Variants in ALMS1 observed in about 807,000 individuals in gnomAD.
ALMS1 encodes ALMS1 centrosome and basal body associated protein, also known as centrosome-associated protein ALMS1.
A neutral mutation model predicts 352.2 loss-of-function variants in ALMS1; 271 were observed. The observed-to-expected ratio is 0.77, with a 90% CI of 0.70 to 0.85. The LOEUF is 0.85. Ranked by LOEUF, ALMS1 falls within the 40% of genes least tolerant of loss-of-function variation. The probability of loss-of-function intolerance (pLI) is 0.00; values close to 1 mark genes in which losing one functional copy is unlikely to be tolerated. For synonymous variants in ALMS1, 1,865 were observed against 1,761.2 expected (o/e 1.06, Z -1.48); for missense variants, 5,445 against 4,870.7 (o/e 1.12, Z -3.51).
At chr2:73,575,267 A>G (rs547826841) in intron 16 of ALMS1, among the ~76,000 whole-genome samples, 1 of 152,308 alleles carries the variant, frequency 6.6e-6, no homozygotes, top group East Asian at 1.9e-4. Context: ...GTATATATCT[A>G]GGAATGGAAA....
intron 12 of ALMS1, among the ~76,000 whole-genome samples, chr2:73,542,689 G>C (rs559297291): frequency 1.3e-5 from 2 of 152,214 alleles, no homozygotes; most frequent in South Asian, 2.1e-4. Flanking sequence ...AATCAGTGTA[G>C]AAAAATCACA....
chr2:73,504,465 A>G (rs1167904707), intron 10 of ALMS1, among the ~76,000 whole-genome samples: 2 of 152,114 alleles, frequency 1.3e-5, no homozygotes, highest in African/African-American at 4.8e-5. Flanking sequence ...CTGTTTTTCT[A>G]CTGTATAATT....
At chr2:73,506,048 A>G (rs1467970868) in intron 10 of ALMS1, among the ~76,000 whole-genome samples, 1 of 152,186 alleles carries the variant, frequency 6.6e-6, no homozygotes, top group Non-Finnish European at 1.5e-5. Context: ...TTAAATAGGG[A>G]ATCCTTTCTC....
intron 10 of ALMS1, among the ~76,000 whole-genome samples, chr2:73,518,984 G>A (rs528176080): frequency 3.9e-5 from 6 of 152,216 alleles, no homozygotes; most frequent in East Asian, 3.9e-4. Flanking sequence ...TGTCTTCGTC[G>A]TGAAATTGCC....
At chr2:73,478,623 G>GA (rs1486771436) in intron 9 of ALMS1, among the ~76,000 whole-genome samples, 2 of 98,050 alleles carry the variant, frequency 2.0e-5, no homozygotes, top group African/African-American at 5.7e-5. Flanking sequence ...ATCAGCTAAT[G>GA]ACGAATATTT....
intron 9 of ALMS1, among the ~76,000 whole-genome samples, chr2:73,460,566 C>A (rs1161408353): frequency 6.6e-6 from 1 of 152,180 alleles, no homozygotes; most frequent in Non-Finnish European, 1.5e-5. Flanking sequence ...GGGTTCATCT[C>A]ACTAGGGAGT....
At position 73,467,463 on chromosome 2, in the gene ALMS1, G is replaced by C. The variant is rs562055818; in HGVS notation, c.7674+12168G>C. ...TTAAAAAGAACAATGCTAAATATTG[G>C]TAAAGTTATGAAGCAACTGGAATAG... On this transcript the variant is annotated intron_variant, in intron 9 of 22. Transcript: ENST00000613296. Among the ~76,000 whole-genome samples the C allele has an allele frequency of 3.3e-5, 5 of 152,188 alleles. No homozygotes were observed. The East Asian group carries it at 9.6e-4, about 29-fold the overall frequency.
intron 9 of ALMS1, among the ~76,000 whole-genome samples, chr2:73,481,710 C>T (rs1672708299): frequency 6.6e-6 from 1 of 151,176 alleles, no homozygotes; most frequent in Admixed American, 6.7e-5. Flanking sequence ...TACCCATGAG[C>T]ATGGAATGTT....
chr2:73,429,041 A>AC (rs1294934579), intron 6 of ALMS1, among the ~76,000 whole-genome samples: 1 of 152,196 alleles, frequency 6.6e-6, no homozygotes, highest in East Asian at 1.9e-4. Flanking sequence ...TTGTGTCTTG[A>AC]GCAAATGACT....
intron 3 of ALMS1, among the ~76,000 whole-genome samples, chr2:73,422,290 T>C (rs1671298467): frequency 6.6e-6 from 1 of 152,138 alleles, no homozygotes; most frequent in African/African-American, 2.4e-5. Context: ...CTGTAGCTTC[T>C]GGAAAATGTC....
At chr2:73,573,682 C>A in intron 16 of ALMS1, 1 of 612,552 alleles carries the variant, frequency 1.6e-6, no homozygotes, top group Non-Finnish European at 2.9e-6. Context: ...AAGTTTACCC[C>A]TGAAATGGGG....
chr2:73,488,472 C>T (rs915866277), intron 9 of ALMS1, among the ~76,000 whole-genome samples: 5 of 152,112 alleles, frequency 3.3e-5, no homozygotes, highest in Admixed American at 2.0e-4. Flanking sequence ...CCCAGATCCC[C>T]GAAAGTGCAG....
chr2:73,389,547 G>A (rs72809994), intron 1 of ALMS1, among the ~76,000 whole-genome samples: 1 of 152,066 alleles, frequency 6.6e-6, no homozygotes, highest in Non-Finnish European at 1.5e-5. Flanking sequence ...ATAATTTCGG[G>A]CCTTACATTT....
chr2:73,471,911 A>C (rs930333393), intron 9 of ALMS1, among the ~76,000 whole-genome samples: 11 of 152,064 alleles, frequency 7.2e-5, no homozygotes, highest in African/African-American at 2.7e-4. Flanking sequence ...TGTTCACAAT[A>C]GCATTAATCA....
chr2:73,455,996 A>G (rs541372336), intron 9 of ALMS1, among the ~76,000 whole-genome samples: 1 of 152,310 alleles, frequency 6.6e-6, no homozygotes, highest in Non-Finnish European at 1.5e-5. Flanking sequence ...TTAATAGTAC[A>G]TATTTTCCTT....
At chr2:73,462,515 A>C (rs556679579) in intron 9 of ALMS1, among the ~76,000 whole-genome samples, 156 of 152,370 alleles carry the variant, frequency 1.0e-3, no homozygotes, top group Non-Finnish European at 1.8e-3. Context: ...CCAAAATGTA[A>C]AGACTGTCAA....
intron 1 of ALMS1, among the ~76,000 whole-genome samples, chr2:73,403,801 A>G (rs1475978101): frequency 6.6e-6 from 1 of 151,826 alleles, no homozygotes; most frequent in Non-Finnish European, 1.5e-5. Context: ...CATAAGTGGG[A>G]TGGTTTTCTT....
intron 1 of ALMS1, among the ~76,000 whole-genome samples, chr2:73,397,995 A>G (rs940953215): frequency 1.3e-5 from 2 of 152,160 alleles, no homozygotes; most frequent in African/African-American, 4.8e-5. Context: ...CAGCTTATCA[A>G]TTATTTCTTT....
intron 11 of ALMS1, 93 bp from the exon 12 acceptor site, chr2:73,534,731 G>A (rs1558684368): frequency 7.1e-7 from 1 of 1,400,762 alleles, no homozygotes; most frequent in Non-Finnish European, 1.0e-6. Context: ...CAAAAGTCAT[G>A]AACACTGCCT....
Sources: allele counts gnomAD v4.1 joint callset (sites outside exome capture counted in the v4.1 genomes callset), GRCh38; gene constraint gnomAD v4.1.1; transcripts MANE v1.5; gene names NCBI Gene and HGNC (gene_info 2026-07-23, HGNC 2026-07-21).